The following ALKBH1 variants were observed in gnomAD, a reference collection of about 807,000 sequenced individuals.
The protein encoded by ALKBH1 is nucleic acid dioxygenase ALKBH1.
A neutral mutation model predicts 36.6 loss-of-function variants in ALKBH1; 31 were observed. The ratio of observed to expected loss-of-function variants is 0.85; its 90% CI spans 0.64 to 1.14. The LOEUF is 1.14. Ranked by LOEUF, ALKBH1 falls within the 50% of genes most tolerant of loss-of-function variation. The probability of loss-of-function intolerance (pLI) is 0.00; values close to 1 mark genes in which losing one functional copy is unlikely to be tolerated. For missense variants in ALKBH1, 490 were observed against 497.3 expected (o/e 0.99, Z 0.14); for synonymous variants, 183 against 186.6 (o/e 0.98, Z 0.16).
At chr14:77,685,594 A>G (rs1435620965) in intron 3 of ALKBH1, among the ~76,000 whole-genome samples, 1 of 152,014 alleles carries the variant, frequency 6.6e-6, no homozygotes, top group Non-Finnish European at 1.5e-5. Flanking sequence ...CCTGGGCAAC[A>G]TGGTGAAACC....
chr14:77,683,306 G>A lies in ALKBH1; in HGVS notation c.456-3336C>T, dbSNP rs1475729408. On this transcript the variant is annotated intron_variant, in intron 3 of 5. Transcript: ENST00000216489. ...GGTGGGGCAGGCTGGCACTTCAGTT[G>A]AACTCAGGTACCTTTCTCTTTGGGT... is the stretch of plus-strand genomic sequence containing the variant. 28 of 745,972 alleles carry A rather than the reference G, an allele frequency of 3.8e-5. No homozygotes were observed. The Admixed American group carries it at 4.2e-4, about 11-fold the overall frequency. The allele number at this position is 745,972 out of a possible 1,614,324, so 46.2% of individuals were successfully genotyped here.
At chr14:77,687,883 A>C (rs1459845555) in intron 3 of ALKBH1, among the ~76,000 whole-genome samples, 2 of 149,144 alleles carry the variant, frequency 1.3e-5, no homozygotes, top group African/African-American at 4.9e-5. Context: ...TCAGCGCTTT[A>C]CTATGGCCTT....
At chr14:77,700,240 T>C (rs2080352253) in intron 2 of ALKBH1, among the ~76,000 whole-genome samples, 2 of 152,210 alleles carry the variant, frequency 1.3e-5, no homozygotes, top group South Asian at 4.1e-4. Context: ...ATTCCTCTAC[T>C]GTACTAAATC....
chr14:77,689,179 A>T (rs558512589), intron 3 of ALKBH1, among the ~76,000 whole-genome samples: 20 of 152,214 alleles, frequency 1.3e-4, no homozygotes, highest in Admixed American at 1.2e-3. Context: ...AGCCTAGCAG[A>T]TTTTTCCAAT....
intron 3 of ALKBH1, among the ~76,000 whole-genome samples, chr14:77,687,656 T>C (rs1353877014): frequency 1.3e-5 from 2 of 152,188 alleles, no homozygotes. Flanking sequence ...CCTAGACCTA[T>C]TTGACATGGC....
At chr14:77,677,203 C>A (rs1409478074) in intron 4 of ALKBH1, among the ~76,000 whole-genome samples, 1 of 152,124 alleles carries the variant, frequency 6.6e-6, no homozygotes, top group Non-Finnish European at 1.5e-5. Flanking sequence ...CCATGCCTGG[C>A]TAATTTTTGT....
rs2080201029 is a variant in ALKBH1 at position 77,675,652 on chromosome 14, T to C, written c.740+4A>G. ...GTAATCCCAAATCCCTGGAACTAAC[T>C]CACCTGAATGACAGCAAGGGTTTGG... On this transcript the variant is annotated splice_donor_region_variant and intron_variant, in intron 5 of 5. Coordinates refer to ENST00000216489, the MANE Select transcript of ALKBH1 (RefSeq NM_006020.3). 2.5e-6 allele frequency: 4 copies of C among 1,592,582 alleles called. No individual in the cohort carries two copies. Among genetic ancestry groups the C allele is most frequent in the South Asian group, 1.1e-5 (1 of 88,844 alleles).
intron 4 of ALKBH1, among the ~76,000 whole-genome samples, chr14:77,677,842 C>G (rs1271530644): frequency 6.6e-6 from 1 of 152,138 alleles, no homozygotes; most frequent in Non-Finnish European, 1.5e-5. Flanking sequence ...GATAATCAAA[C>G]AGTCAAGGCT....
At chr14:77,690,554 T>C (rs987941960) in intron 3 of ALKBH1, among the ~76,000 whole-genome samples, 6 of 152,336 alleles carry the variant, frequency 3.9e-5, no homozygotes, top group Admixed American at 2.0e-4. Flanking sequence ...TAAGAAATGA[T>C]GGCAGCTTAG....
At position 77,704,501 on chromosome 14, in the gene ALKBH1, A is replaced by G. The variant is rs1225727876; in HGVS notation, c.184-24T>C. 3.1e-6 allele frequency: 5 copies of G among 1,588,642 alleles called. No individual in the cohort carries two copies. The East Asian group carries it at 6.7e-5, about 21-fold the overall frequency. On this transcript the variant is annotated intron_variant, in intron 1 of 5. Coordinates refer to ENST00000216489, the MANE Select transcript of ALKBH1 (RefSeq NM_006020.3). ...ACCTGGCAGGAAGGAAACAGAAGTTAAAGGACTAAATCTATTTTGCAGGTC... is the reference window on the plus strand; with the variant it reads ...ACCTGGCAGGAAGGAAACAGAAGTTGAAGGACTAAATCTATTTTGCAGGTC...
chr14:77,707,446 G>A (rs1017746497), intron 1 of ALKBH1, among the ~76,000 whole-genome samples: 6 of 152,214 alleles, frequency 3.9e-5, no homozygotes, highest in African/African-American at 1.4e-4. Context: ...ATCCCTGTCA[G>A]TTCTGGGATT....
intron 3 of ALKBH1, chr14:77,683,589 T>G (rs79435791): frequency 2.3e-6 from 1 of 443,274 alleles, no homozygotes; most frequent in Non-Finnish European, 4.2e-6. Flanking sequence ...CCTTTTTTTT[T>G]GAGATGCAGT....
intron 2 of ALKBH1, among the ~76,000 whole-genome samples, chr14:77,702,418 A>C (rs1017577432): frequency 6.6e-6 from 1 of 152,168 alleles, no homozygotes; most frequent in Non-Finnish European, 1.5e-5. Flanking sequence ...AAGAGGAGCC[A>C]GGCTGTTATA....
At chr14:77,687,088 C>A (rs2080272109) in intron 3 of ALKBH1, among the ~76,000 whole-genome samples, 1 of 152,192 alleles carries the variant, frequency 6.6e-6, no homozygotes, top group African/African-American at 2.4e-5. Flanking sequence ...TGTTCTAAAC[C>A]TTCACCATTC....
chr14:77,700,630 TCAC>T (rs1287798225), intron 2 of ALKBH1, among the ~76,000 whole-genome samples: 2 of 152,170 alleles, frequency 1.3e-5, no homozygotes, highest in South Asian at 2.1e-4. Context: ...CCACCTGCTA[TCAC>T]CACAATTTCA....
At chr14:77,680,985 T>A (rs2080234894) in intron 3 of ALKBH1, among the ~76,000 whole-genome samples, 1 of 152,150 alleles carries the variant, frequency 6.6e-6, no homozygotes, top group African/African-American at 2.4e-5. Context: ...CCACTACTCT[T>A]TTTCTAAAAA....
At chr14:77,674,843 T>A (rs192620770) in intron 5 of ALKBH1, among the ~76,000 whole-genome samples, 5 of 152,306 alleles carry the variant, frequency 3.3e-5, no homozygotes, top group Admixed American at 3.3e-4. Context: ...TAAGCCATCA[T>A]GCCCAGCCTA....
At chr14:77,686,675 G>A (rs1595052278) in intron 3 of ALKBH1, among the ~76,000 whole-genome samples, 1 of 152,206 alleles carries the variant, frequency 6.6e-6, no homozygotes, top group Admixed American at 6.5e-5. Context: ...CCAGGCTGGA[G>A]TGCAGTGGCG....
At chr14:77,676,723 T>C (rs1386079677) in intron 4 of ALKBH1, among the ~76,000 whole-genome samples, 2 of 152,214 alleles carry the variant, frequency 1.3e-5, no homozygotes, top group East Asian at 1.9e-4. Context: ...CTCTGTACTA[T>C]CTTCTCAACT....
Sources: allele counts gnomAD v4.1 joint callset (sites outside exome capture counted in the v4.1 genomes callset), GRCh38; gene constraint gnomAD v4.1.1; transcripts MANE v1.5; gene names NCBI Gene and HGNC (gene_info 2026-07-23, HGNC 2026-07-21).